The following SPON1 variants were observed in gnomAD, a reference collection of about 807,000 sequenced individuals.
The protein encoded by SPON1 is spondin 1, also known as spondin-1.
A neutral mutation model predicts 111.7 loss-of-function variants in SPON1; 52 were observed. The observed-to-expected ratio is 0.47, with a 90% CI of 0.37 to 0.59. The LOEUF (loss-of-function observed/expected upper bound fraction) is 0.59, where lower values mean the gene tolerates loss of function less well. SPON1 is among the 20% of genes least tolerant of loss of function. SPON1 has a pLI of 0.00. For synonymous variants in SPON1, 410 were observed against 395.8 expected, an observed-to-expected ratio of 1.04 and a Z score of -0.43; for missense variants, 957 against 1,068.5, an observed-to-expected ratio of 0.90 and a Z score of 1.46.
intron 2 of SPON1, among the ~76,000 whole-genome samples, chr11:14,039,092 C>G (rs1439247138): frequency 1.1e-4 from 17 of 152,178 alleles, no homozygotes; most frequent in African/African-American, 3.9e-4. Flanking sequence ...AGAAGCCAAT[C>G]TGGAAAAGCT....
At chr11:14,221,369 G>A (rs927777243) in intron 6 of SPON1, among the ~76,000 whole-genome samples, 1 of 152,240 alleles carries the variant, frequency 6.6e-6, no homozygotes, top group South Asian at 2.1e-4. Context: ...CTGAGGTTCA[G>A]ACAGGTAAAA....
intron 2 of SPON1, among the ~76,000 whole-genome samples, chr11:13,990,022 G>C (rs1848215211): frequency 1.3e-5 from 2 of 152,178 alleles, no homozygotes; most frequent in South Asian, 4.1e-4. Flanking sequence ...TGTATATTCT[G>C]TTGATTTGGG....
chr11:14,262,108 A>G (rs7484197), intron 14 of SPON1, among the ~76,000 whole-genome samples: 56,174 of 152,108 alleles, frequency 0.37, 11,501 homozygotes, highest in Admixed American at 0.51. Flanking sequence ...TCGATAAACC[A>G]TAAAGCACCA....
At chr11:14,073,107 T>C (rs1848889910) in intron 3 of SPON1, among the ~76,000 whole-genome samples, 2 of 152,136 alleles carry the variant, frequency 1.3e-5, no homozygotes, top group African/African-American at 4.8e-5. Context: ...TTCAAACATA[T>C]ACATGAATAG....
At chr11:14,025,188 C>T (rs1200999763) in intron 2 of SPON1, among the ~76,000 whole-genome samples, 1 of 152,200 alleles carries the variant, frequency 6.6e-6, no homozygotes, top group Non-Finnish European at 1.5e-5. Context: ...AGACAAGGCT[C>T]CTGCCCCCAT....
chr11:14,122,884 C>A (rs1479913652), intron 5 of SPON1, among the ~76,000 whole-genome samples: 1 of 150,034 alleles, frequency 6.7e-6, no homozygotes, highest in African/African-American at 2.5e-5. Flanking sequence ...GACTGTGGGG[C>A]TTTTTCCTGA....
At chr11:14,014,585 A>T (rs1461848613) in intron 2 of SPON1, among the ~76,000 whole-genome samples, 1 of 152,228 alleles carries the variant, frequency 6.6e-6, no homozygotes, top group African/African-American at 2.4e-5. Flanking sequence ...GTGGTGAACA[A>T]CAATAAACTG....
chr11:13,996,856 A>G (rs1222621985), intron 2 of SPON1, among the ~76,000 whole-genome samples: 1 of 152,212 alleles, frequency 6.6e-6, no homozygotes, highest in South Asian at 2.1e-4. Flanking sequence ...AATGTTCCAC[A>G]TGATTTTTAA....
intron 7 of SPON1, among the ~76,000 whole-genome samples, chr11:14,250,903 T>A (rs1044284246): frequency 2.6e-5 from 4 of 152,236 alleles, no homozygotes; most frequent in African/African-American, 9.6e-5. Context: ...TGTTCATTTC[T>A]TAGATTAAGT....
At chr11:14,127,901 G>A (rs1317186638) in intron 5 of SPON1, among the ~76,000 whole-genome samples, 1 of 152,186 alleles carries the variant, frequency 6.6e-6, no homozygotes, top group African/African-American at 2.4e-5. Context: ...TGGCAGGAGA[G>A]AGCAAGAGTA....
intron 6 of SPON1, among the ~76,000 whole-genome samples, chr11:14,159,850 G>A (rs920674141): frequency 7.4e-6 from 1 of 134,906 alleles, no homozygotes; most frequent in Non-Finnish European, 1.6e-5. Flanking sequence ...TTGAACTCCT[G>A]GACTTAGAGA....
chr11:14,123,865 T>A (rs1847425284), intron 5 of SPON1, among the ~76,000 whole-genome samples: 1 of 152,228 alleles, frequency 6.6e-6, no homozygotes, highest in Non-Finnish European at 1.5e-5. Flanking sequence ...ATCTCTTGTG[T>A]TTCCCTTCTG....
intron 6 of SPON1, among the ~76,000 whole-genome samples, chr11:14,197,288 G>C (rs1270591977): frequency 6.6e-6 from 1 of 151,986 alleles, no homozygotes. Context: ...TAACACTCTG[G>C]CATTTCAGAG....
At chr11:13,986,879 C>A (rs1175140524) in intron 2 of SPON1, among the ~76,000 whole-genome samples, 1 of 152,138 alleles carries the variant, frequency 6.6e-6, no homozygotes, top group Non-Finnish European at 1.5e-5. Flanking sequence ...CATGTCCCTG[C>A]AAAGGACATG....
chr11:14,191,901 G>A (rs1554934591), intron 6 of SPON1, among the ~76,000 whole-genome samples: 1 of 152,096 alleles, frequency 6.6e-6, no homozygotes, highest in South Asian at 2.1e-4. Flanking sequence ...CCTCTACACT[G>A]CCTTTCAAAC....
At chr11:14,162,858 A>G (rs1171610506) in intron 6 of SPON1, among the ~76,000 whole-genome samples, 1 of 152,158 alleles carries the variant, frequency 6.6e-6, no homozygotes, top group African/African-American at 2.4e-5. Flanking sequence ...AATCATCCGG[A>G]TGCCCTAGCT....
intron 6 of SPON1, among the ~76,000 whole-genome samples, chr11:14,161,261 TTATATATCTGTATATC>T (rs1847957847): frequency 6.0e-5 from 2 of 33,342 alleles, no homozygotes; most frequent in South Asian, 8.7e-4. Context: ...ATTTATATAT[TTATATATCTGTATATC>T]TATATATATT....
chr11:14,123,982 CACTT>C (rs1308887149), intron 5 of SPON1, among the ~76,000 whole-genome samples: 1 of 152,200 alleles, frequency 6.6e-6, no homozygotes, highest in Admixed American at 6.5e-5. Flanking sequence ...AATGCAGTGC[CACTT>C]ACTTAATCAG....
Position 14,160,657 on chromosome 11 carries a change from TTA to T in SPON1, c.825+25099_825+25100del, listed in dbSNP as rs1222553349. On this transcript the variant is annotated intron_variant, in intron 6 of 15. Transcript: ENST00000576479. The stretch of plus-strand genomic sequence containing the variant: ...TATATATTTACATATATTTATATAT[TTA>T]TATATATATTTACATATATTTATAT... Among the ~76,000 whole-genome samples, 122 of 25,418 alleles carry T rather than the reference TTA, an allele frequency of 4.8e-3. 14 individuals are homozygous for T. Among genetic ancestry groups the T allele is most frequent in the African/African-American group, 0.012 (82 of 7,004 alleles). The allele number at this position is 25,418 out of a possible 152,430, so 16.7% of individuals were successfully genotyped here.
Sources: allele counts gnomAD v4.1 joint callset (sites outside exome capture counted in the v4.1 genomes callset), GRCh38; gene constraint gnomAD v4.1.1; transcripts MANE v1.5; gene names NCBI Gene and HGNC (gene_info 2026-07-23, HGNC 2026-07-21).